USH2A: variants seen among roughly 807,000 people sequenced by gnomAD.
The protein encoded by USH2A is usherin, also known as Usher syndrome 2A (autosomal recessive, mild).
In USH2A, 443 loss-of-function variants were observed where a neutral mutation model predicts 538.9. The observed-to-expected ratio is 0.82, with a 90% CI of 0.76 to 0.89. The LOEUF is 0.89. USH2A is among the 40% of genes least tolerant of loss of function. The pLI, the probability that USH2A is intolerant of heterozygous loss-of-function variation, is 0.00. For missense variants in USH2A, 6,633 were observed against 6,324.8 expected, an observed-to-expected ratio of 1.05 and a Z score of -1.65; for synonymous variants, 2,413 against 2,273.5, an observed-to-expected ratio of 1.06 and a Z score of -1.75.
In USH2A at chr1:216,232,088, C is replaced by A; in HGVS notation, c.2858G>T (p.Cys953Phe). ...GNATGCLPCS[C>F]HTTGAVNHIC... ...GTGATTAACTGCACCAGTTGTATGG[C>A]ATGAGCATGGCAGGCAGCCAGTGGC... The change falls in exon 14 of 72, where the codon TGC becomes TTC. Residue 953 changes from cysteine (C) to phenylalanine (F), a missense_variant. Physicochemically the swap from Cys to Phe is radical, Grantham distance 205. Transcript: ENST00000307340. 6.2e-7 allele frequency: 1 copy of A among 1,613,934 alleles called. No homozygotes were observed. Among genetic ancestry groups the A allele is most frequent in the Non-Finnish European group, 8.5e-7 (1 of 1,179,888 alleles).
At chr1:216,039,836 G>A (rs1182261262) in intron 32 of USH2A, among the ~76,000 whole-genome samples, 1 of 151,914 alleles carries the variant, frequency 6.6e-6, no homozygotes, top group Non-Finnish European at 1.5e-5. Context: ...TGTTTGGAAA[G>A]TTTAAGATGA....
chr1:216,146,470 G>A lies in USH2A; in HGVS notation c.4627+28782C>T, dbSNP rs558487843. 3.4e-3 allele frequency among the ~76,000 whole-genome samples: 513 copies of A among 152,254 alleles called. 3 individuals carry two copies. The highest frequency in any genetic ancestry group is 4.7e-3 in the Non-Finnish European group (321 of 68,028). On this transcript the variant is annotated intron_variant, in intron 21 of 71. Transcript: ENST00000307340. ...TCACGTTTCAAGGGTGTCAGACCAC[G>A]CAGGGACACCTGCCTTGGTCCTTCA...
chr1:215,667,526 G>A (rs1324297478), intron 64 of USH2A, among the ~76,000 whole-genome samples: 5 of 151,768 alleles, frequency 3.3e-5, no homozygotes, highest in African/African-American at 1.2e-4. Context: ...ATGAAACCCC[G>A]TCTCTACTAA....
chr1:215,819,634 A>C (rs1662954650), intron 47 of USH2A, among the ~76,000 whole-genome samples: 1 of 151,798 alleles, frequency 6.6e-6, no homozygotes, highest in Non-Finnish European at 1.5e-5. Context: ...AAAAGATTAC[A>C]TTTAAGTGAC....
In USH2A at chr1:215,772,628, T is replaced by C. The variant is rs77243902; in HGVS notation, c.10940-5840A>G. Among the ~76,000 whole-genome samples the C allele has an allele frequency of 9.7e-3, 1,470 of 152,316 alleles. 56 individuals carry two copies. The highest frequency in any genetic ancestry group is 0.065 in the East Asian group (334 of 5,168). Reference sequence around the variant, plus strand: ...ATTTGGAAAACAAAACCCATGTCTATGAAAGTTAACATTTGATGTACTCTA... The same window carrying C: ...ATTTGGAAAACAAAACCCATGTCTACGAAAGTTAACATTTGATGTACTCTA... On this transcript the variant is annotated intron_variant, in intron 55 of 71. Coordinates refer to ENST00000307340, the MANE Select transcript of USH2A (RefSeq NM_206933.4).
chr1:215,932,471 G>A (rs1666389215), intron 38 of USH2A, among the ~76,000 whole-genome samples: 1 of 151,976 alleles, frequency 6.6e-6, no homozygotes, highest in Admixed American at 6.6e-5. Context: ...TAAGTAAAAG[G>A]AAGCATGAAC....
chr1:215,820,887 A>T, intron 47 of USH2A, among the ~76,000 whole-genome samples: 1 of 151,774 alleles, frequency 6.6e-6, no homozygotes, highest in Admixed American at 6.6e-5. Flanking sequence ...AATGACCTCC[A>T]GTTCCATCCA....
At chr1:215,713,448 T>C (rs1659396641) in intron 61 of USH2A, among the ~76,000 whole-genome samples, 1 of 152,180 alleles carries the variant, frequency 6.6e-6, no homozygotes, top group African/African-American at 2.4e-5. Flanking sequence ...TATTTTGATT[T>C]TTTTTTTAAA....
chr1:216,324,446 C>T (rs2037689401), intron 6 of USH2A, 94 bp from the exon 7 acceptor site: 9 of 1,173,190 alleles, frequency 7.7e-6, no homozygotes, highest in Non-Finnish European at 1.1e-5. Context: ...AATATATTGG[C>T]TCACTTCATC....
rs1481712505 is a variant in USH2A, at chr1:216,073,277, C to T, written c.5596G>A (p.Val1866Ile). ...EQGFGGCMKD[V>I]KFTRGAVVNL... is the part of the protein sequence containing the mutation. ...ACGACAGCACCCCGTGTAAATTTAA[C>T]ATCCTTCATGCAACCACCGAAACCT... Residue 1866 changes from valine (V) to isoleucine (I), a missense_variant, in exon 28 of 72, where the codon GTT (valine) becomes ATT (isoleucine). By Grantham distance (29) the Val-to-Ile change is conservative. Transcript: ENST00000307340. 1.2e-6 allele frequency: 2 copies of T among 1,613,676 alleles called. No homozygotes were observed. Among genetic ancestry groups the T allele is most frequent in the Admixed American group, 3.3e-5 (2 of 59,898 alleles).
At chr1:216,203,428 C>T (rs1254544941) in intron 16 of USH2A, among the ~76,000 whole-genome samples, 1 of 151,832 alleles carries the variant, frequency 6.6e-6, no homozygotes, top group African/African-American at 2.4e-5. Context: ...TATGGTCTTT[C>T]TCTCTCTCTC....
At chr1:215,857,715 G>A in intron 44 of USH2A, among the ~76,000 whole-genome samples, 1 of 152,210 alleles carries the variant, frequency 6.6e-6, no homozygotes, top group East Asian at 1.9e-4. Flanking sequence ...TGAAGACCCT[G>A]ACTGCAGATT....
At chr1:215,728,497 G>A in intron 60 of USH2A, 113 bp from the exon 61 acceptor site, 1 of 1,043,074 alleles carries the variant, frequency 9.6e-7, no homozygotes, top group East Asian at 2.6e-5. Context: ...CTTTTCAGCT[G>A]TTTCTTCCTG....
At chr1:216,338,997 G>T (rs891090538) in intron 4 of USH2A, among the ~76,000 whole-genome samples, 1 of 151,494 alleles carries the variant, frequency 6.6e-6, no homozygotes, top group African/African-American at 2.4e-5. Flanking sequence ...TACTTAAGAA[G>T]CCTATGATAC....
In USH2A at chr1:215,725,788, A is replaced by G. The variant is rs139260140; in HGVS notation, c.12066+2242T>C. The stretch of plus-strand genomic sequence containing the variant: ...CCACATCAGGGAGGGCCCATGTGCA[A>G]AGAGCCCTGTGCCGCTTAAAGCTTG... On this transcript the variant is annotated intron_variant, in intron 61 of 71. Coordinates refer to ENST00000307340, the MANE Select transcript of USH2A (RefSeq NM_206933.4). 5.2e-3 allele frequency among the ~76,000 whole-genome samples: 791 copies of G among 152,344 alleles called. 4 individuals carry two copies. The highest frequency in any genetic ancestry group is 0.018 in the African/African-American group (768 of 41,580).
At chr1:216,252,019 T>C (rs1404478287) in intron 11 of USH2A, among the ~76,000 whole-genome samples, 1 of 152,202 alleles carries the variant, frequency 6.6e-6, no homozygotes, top group Non-Finnish European at 1.5e-5. Flanking sequence ...TGATTTATAT[T>C]GTGATAAGAA....
chr1:215,808,389 G>A (rs867099090), intron 49 of USH2A, among the ~76,000 whole-genome samples: 1 of 152,000 alleles, frequency 6.6e-6, no homozygotes, highest in Non-Finnish European at 1.5e-5. Context: ...TCTTGGTCAT[G>A]TTTCTATGTC....
chr1:216,365,672 A>C (rs916686018), intron 3 of USH2A, among the ~76,000 whole-genome samples: 1 of 142,758 alleles, frequency 7.0e-6, no homozygotes. Flanking sequence ...CATATTAGGG[A>C]TTAGCAATTT....
intron 9 of USH2A, among the ~76,000 whole-genome samples, chr1:216,307,178 C>A (rs1411313199): frequency 6.6e-6 from 1 of 152,024 alleles, no homozygotes; most frequent in Non-Finnish European, 1.5e-5. Context: ...TAGAGAAAGG[C>A]CATCAGGTAG....
Sources: gnomAD v4.1 joint callset for allele counts (sites outside exome capture counted in the v4.1 genomes callset) on GRCh38, gnomAD v4.1.1 for gene constraint, MANE v1.5 for transcripts, NCBI Gene and HGNC (gene_info 2026-07-23, HGNC 2026-07-21) for gene names.